Variants in AKAP19 observed in about 807,000 individuals in gnomAD.
The protein encoded by AKAP19 is small A-kinase anchoring protein.
At chr2:190,053,777 G>T in the AKAP19 span, among the ~76,000 whole-genome samples, 343 of 152,022 alleles carry the variant, frequency 2.3e-3, 2 homozygotes, top group African/African-American at 7.8e-3. Flanking sequence ...ATCAATATTT[G>T]AATTTAGATT....
chr2:190,103,194 G>A, the AKAP19 span, among the ~76,000 whole-genome samples: 1,960 of 152,140 alleles, frequency 0.013, 26 homozygotes, highest in Non-Finnish European at 0.014. Flanking sequence ...CATATCTCAA[G>A]ATAATAAGAG....
chr2:189,893,259 T>C, the AKAP19 span, among the ~76,000 whole-genome samples: 1 of 152,178 alleles, frequency 6.6e-6, no homozygotes, highest in African/African-American at 2.4e-5. Flanking sequence ...CAGACACCAC[T>C]GGGGTATGAA....
chr2:190,009,396 G>C, the AKAP19 span, among the ~76,000 whole-genome samples: 1 of 152,124 alleles, frequency 6.6e-6, no homozygotes, highest in Non-Finnish European at 1.5e-5. Context: ...TTGGATTCAG[G>C]ATATATATTT....
At chr2:190,087,704 A>G in the AKAP19 span, among the ~76,000 whole-genome samples, 4 of 152,204 alleles carry the variant, frequency 2.6e-5, no homozygotes, top group Non-Finnish European at 4.4e-5. Flanking sequence ...TTTGAATCAT[A>G]CATCATGAAC....
chr2:190,140,838 C>T, the AKAP19 span, among the ~76,000 whole-genome samples: 7 of 152,180 alleles, frequency 4.6e-5, no homozygotes, highest in Admixed American at 3.9e-4. Flanking sequence ...AATTTCTGCC[C>T]AGAAAATGGG....
chr2:189,909,368 A>G, the AKAP19 span, among the ~76,000 whole-genome samples: 1 of 151,960 alleles, frequency 6.6e-6, no homozygotes. Flanking sequence ...ATAATTATTG[A>G]TAAAGACTTA....
At chr2:189,905,227 T>C in the AKAP19 span, among the ~76,000 whole-genome samples, 1 of 151,970 alleles carries the variant, frequency 6.6e-6, no homozygotes, top group Non-Finnish European at 1.5e-5. Context: ...TACAGTTGTA[T>C]TTCCTAAGAA....
chr2:189,930,536 C>A, the AKAP19 span: 1 of 208,034 alleles, frequency 4.8e-6, no homozygotes. Context: ...AATTAGCTGG[C>A]GTGGTGGCGC....
the AKAP19 span, among the ~76,000 whole-genome samples, chr2:190,172,768 A>G: frequency 2.6e-4 from 40 of 152,170 alleles, no homozygotes; most frequent in African/African-American, 9.7e-4. Context: ...CCATTTTCTC[A>G]TATTTAAAAC....
the AKAP19 span, among the ~76,000 whole-genome samples, chr2:189,986,381 A>G: frequency 1.3e-5 from 2 of 152,036 alleles, no homozygotes; most frequent in African/African-American, 4.8e-5. Flanking sequence ...AAAAAAAACA[A>G]AAACAAACAA....
chr2:189,975,618 C>G, the AKAP19 span, among the ~76,000 whole-genome samples: 1 of 152,180 alleles, frequency 6.6e-6, no homozygotes, highest in Non-Finnish European at 1.5e-5. Flanking sequence ...TCAGGTACAC[C>G]AATCAGGTGT....
chr2:190,151,315 AG>A, the AKAP19 span, among the ~76,000 whole-genome samples: 1 of 152,152 alleles, frequency 6.6e-6, no homozygotes, highest in East Asian at 1.9e-4. Context: ...CCCATCATTT[AG>A]GTGTTAAGCT....
chr2:189,950,334 G>GTTTTTTTTTTTTTTTTTTTTT, the AKAP19 span, among the ~76,000 whole-genome samples: 1 of 137,544 alleles, frequency 7.3e-6, no homozygotes, highest in Non-Finnish European at 1.5e-5. Flanking sequence ...AGCCTTTTTT[G>GTTTTTTTTTTTTTTTTTTTTT]TTTTTTTTTT....
the AKAP19 span, among the ~76,000 whole-genome samples, chr2:190,115,237 G>A: frequency 1.1e-5 from 1 of 89,358 alleles, no homozygotes; most frequent in East Asian, 3.9e-4. Flanking sequence ...GAAAGGAGAG[G>A]GAAGGAGAGA....
the AKAP19 span, among the ~76,000 whole-genome samples, chr2:190,158,325 G>T: frequency 2.6e-5 from 4 of 152,142 alleles, no homozygotes; most frequent in Non-Finnish European, 4.4e-5. Flanking sequence ...TGCTACAAAA[G>T]CAGGGTGTTT....
the AKAP19 span, among the ~76,000 whole-genome samples, chr2:189,931,767 C>T: frequency 6.1e-3 from 925 of 152,198 alleles, 6 homozygotes; most frequent in African/African-American, 0.02. Flanking sequence ...TATAGGCACG[C>T]ACCACCATGC....
chr2:190,178,859 G>A, the AKAP19 span, among the ~76,000 whole-genome samples: 4 of 152,174 alleles, frequency 2.6e-5, no homozygotes, highest in East Asian at 7.7e-4. This position sits in a 1 kb window ranked among gnomAD's most constrained non-coding sequence, Gnocchi z 6.3. Flanking sequence ...TGTCTCCTCT[G>A]CCTAGATCAC....
the AKAP19 span, among the ~76,000 whole-genome samples, chr2:190,047,567 A>G: frequency 6.6e-6 from 1 of 152,210 alleles, no homozygotes; most frequent in Admixed American, 6.5e-5. Context: ...TTGAGAGAAG[A>G]TTATGATTTA....
the AKAP19 span, among the ~76,000 whole-genome samples, chr2:189,973,196 C>T: frequency 3.4e-4 from 52 of 152,178 alleles, no homozygotes; most frequent in African/African-American, 1.2e-3. Context: ...GCATAAAGGG[C>T]TGTTGAATTT....
Sources: gnomAD v4.1 joint callset for allele counts (sites outside exome capture counted in the v4.1 genomes callset) on GRCh38, gnomAD v4.1.1 for gene constraint, Gnocchi (gnomAD v3.1) non-coding constraint, MANE v1.5 for transcripts, NCBI Gene and HGNC (gene_info 2026-07-23, HGNC 2026-07-21) for gene names.